NR3C2: variants seen among roughly 807,000 people sequenced by gnomAD.
NR3C2 encodes the protein nuclear receptor subfamily 3 group C member 2.
Under a neutral mutation model 86.4 loss-of-function variants are expected in NR3C2, and 15 were observed. The observed-to-expected ratio is 0.17, with a 90% CI of 0.12 to 0.27. The LOEUF (loss-of-function observed/expected upper bound fraction) is 0.27, where lower values mean the gene tolerates loss of function less well. Ranked by LOEUF, NR3C2 falls within the 10% of genes least tolerant of loss-of-function variation. The probability of loss-of-function intolerance (pLI) is 1.00; values close to 1 mark genes in which losing one functional copy is unlikely to be tolerated. For synonymous variants in NR3C2, 458 were observed against 450.5 expected (o/e 1.02, Z -0.21); for missense variants, 960 against 1,195.6 (o/e 0.80, Z 2.91).
At chr4:148,327,581 C>T (rs1345828348) in intron 2 of NR3C2, among the ~76,000 whole-genome samples, 2 of 152,130 alleles carry the variant, frequency 1.3e-5, no homozygotes, top group African/African-American at 4.8e-5. Flanking sequence ...TCCCAAAGTC[C>T]CTCTGCAATG....
At chr4:148,329,255 ATCTT>A (rs1310586463) in intron 2 of NR3C2, among the ~76,000 whole-genome samples, 3 of 152,154 alleles carry the variant, frequency 2.0e-5, no homozygotes, top group Non-Finnish European at 4.4e-5. Flanking sequence ...TCTTTTATGC[ATCTT>A]TCTTTTTCTG....
At chr4:148,211,479 C>T (rs916120848) in intron 3 of NR3C2, among the ~76,000 whole-genome samples, 3 of 152,026 alleles carry the variant, frequency 2.0e-5, no homozygotes, top group Non-Finnish European at 4.4e-5. Flanking sequence ...TTTAAGGAGG[C>T]TACTTATGTA....
chr4:148,310,568 T>TGGGC (rs1186390780), intron 2 of NR3C2, among the ~76,000 whole-genome samples: 1 of 152,190 alleles, frequency 6.6e-6, no homozygotes, highest in Non-Finnish European at 1.5e-5. Context: ...CTGTACCTGC[T>TGGGC]GGGCCTGTGT....
rs768363840 is a variant in NR3C2 at position 148,208,817 on chromosome 4, G to C, written c.1898-13955C>G. On this transcript the variant is annotated intron_variant, in intron 3 of 8. Transcript: ENST00000358102. The stretch of plus-strand genomic sequence containing the variant: ...CTTAATTTCCAAAGAAATATTTCCT[G>C]TCACCATTTCTTGTATATAGAAGGA... 6.3e-4 allele frequency: 96 copies of C among 152,056 alleles called. 1 individual carries two copies. The highest frequency in any genetic ancestry group is 2.3e-3 in the African/African-American group (94 of 41,450). 9.4% of individuals were successfully genotyped at this position (152,056 alleles called of 1,614,324 possible).
intron 4 of NR3C2, among the ~76,000 whole-genome samples, chr4:148,192,497 T>C (rs1480293650): frequency 1.3e-5 from 2 of 152,184 alleles, no homozygotes; most frequent in Non-Finnish European, 2.9e-5. Flanking sequence ...GCATCAGTTG[T>C]AGTAGTGTGC....
chr4:148,260,321 C>T (rs1307174013), intron 2 of NR3C2, among the ~76,000 whole-genome samples: 1 of 152,172 alleles, frequency 6.6e-6, no homozygotes. Context: ...AGCAAAGCCT[C>T]TTCTCAGTAC....
intron 6 of NR3C2, among the ~76,000 whole-genome samples, chr4:148,130,655 G>A (rs1307713383): frequency 1.3e-5 from 2 of 152,060 alleles, no homozygotes; most frequent in African/African-American, 2.4e-5. Flanking sequence ...ACAGGAACAG[G>A]TAAATCAACA....
intron 8 of NR3C2, among the ~76,000 whole-genome samples, chr4:148,095,502 CTGAG>C (rs1445483924): frequency 1.3e-5 from 2 of 152,212 alleles, no homozygotes; most frequent in African/African-American, 4.8e-5. Context: ...GGCAGGCTCT[CTGAG>C]TGGGTGAGTT....
At chr4:148,324,331 CTGTGTGTGTG>C (rs374839889) in intron 2 of NR3C2, among the ~76,000 whole-genome samples, 5 of 141,808 alleles carry the variant, frequency 3.5e-5, no homozygotes, top group South Asian at 2.4e-4. Context: ...TAATATTCCT[CTGTGTGTGTG>C]TGTGTGTGTG....
chr4:148,413,569 G>A (rs1748828777), intron 2 of NR3C2, among the ~76,000 whole-genome samples: 1 of 151,886 alleles, frequency 6.6e-6, no homozygotes. Context: ...GACTGGGAGA[G>A]CATATTTTCA....
chr4:148,172,313 T>C (rs983031013), intron 4 of NR3C2, among the ~76,000 whole-genome samples: 1 of 152,178 alleles, frequency 6.6e-6, no homozygotes, highest in Non-Finnish European at 1.5e-5. Flanking sequence ...AAAATTTTAG[T>C]TAAGTAAGCA....
chr4:148,341,799 C>G (rs1429594097), intron 2 of NR3C2, among the ~76,000 whole-genome samples: 1 of 152,090 alleles, frequency 6.6e-6, no homozygotes, highest in African/African-American at 2.4e-5. Context: ...AAATAAACAC[C>G]TTGCATTATA....
At chr4:148,359,727 T>C (rs1745746228) in intron 2 of NR3C2, among the ~76,000 whole-genome samples, 1 of 152,200 alleles carries the variant, frequency 6.6e-6, no homozygotes, top group Admixed American at 6.5e-5. Context: ...GCAAGCTGTG[T>C]ACCCAGACTC....
intron 5 of NR3C2, among the ~76,000 whole-genome samples, chr4:148,153,540 G>A (rs1734204494): frequency 6.6e-6 from 1 of 152,162 alleles, no homozygotes; most frequent in Admixed American, 6.5e-5. Context: ...TGCCTGTGGA[G>A]TTTCACTGGG....
intron 8 of NR3C2, among the ~76,000 whole-genome samples, chr4:148,093,592 G>A (rs924121274): frequency 3.3e-5 from 5 of 152,192 alleles, no homozygotes; most frequent in African/African-American, 1.2e-4. Flanking sequence ...CAAAATTTTA[G>A]TCAGCGATAT....
chr4:148,120,416 G>T, intron 6 of NR3C2, 128 bp from the exon 7 acceptor site: 1 of 1,112,968 alleles, frequency 9.0e-7, no homozygotes, highest in Non-Finnish European at 1.3e-6. Context: ...TGGAGCAGAT[G>T]TGTATTTTAA....
At position 148,243,220 on chromosome 4, in the gene NR3C2, A is replaced by C. The variant is rs569948324; in HGVS notation, c.1897+16758T>G. On this transcript the variant is annotated intron_variant, in intron 3 of 8. Coordinates refer to ENST00000358102, the MANE Select transcript of NR3C2 (RefSeq NM_000901.5). The stretch of plus-strand genomic sequence containing the variant: ...TAATTTTTGTTTTTTATAGAGATGG[A>C]GTCTTGCTGTGTTACCCAAGCTAGT... Among the ~76,000 whole-genome samples, 14 of 151,806 alleles carry C rather than the reference A, an allele frequency of 9.2e-5. 1 individual carries two copies. In the South Asian group the frequency reaches 2.7e-3, roughly 29 times the overall value.
At chr4:148,211,265 G>C (rs1204434647) in intron 3 of NR3C2, among the ~76,000 whole-genome samples, 3 of 152,148 alleles carry the variant, frequency 2.0e-5, no homozygotes, top group Admixed American at 2.0e-4. Context: ...AATAAAACCC[G>C]AAAAATATAA....
intron 3 of NR3C2, among the ~76,000 whole-genome samples, chr4:148,249,321 T>C (rs1260126660): frequency 6.6e-6 from 1 of 152,060 alleles, no homozygotes; most frequent in Non-Finnish European, 1.5e-5. Flanking sequence ...AAAAATTCTA[T>C]AGTTTTGATT....
Sources: allele counts gnomAD v4.1 joint callset (sites outside exome capture counted in the v4.1 genomes callset), GRCh38; gene constraint gnomAD v4.1.1; transcripts MANE v1.5; gene names NCBI Gene and HGNC (gene_info 2026-07-23, HGNC 2026-07-21).